Variants in ZNF573 observed in about 807,000 individuals in gnomAD.
ZNF573 encodes the protein zinc finger protein 573.
In ZNF573, 41 loss-of-function variants were observed where a neutral mutation model predicts 57.4. That is an observed-to-expected ratio of 0.71 (90% CI 0.56 to 0.93). The LOEUF is 0.93. Ranked by LOEUF, ZNF573 falls within the 40% of genes least tolerant of loss-of-function variation. The probability of loss-of-function intolerance (pLI) is 0.00; values close to 1 mark genes in which losing one functional copy is unlikely to be tolerated. For synonymous variants in ZNF573, 249 were observed against 261.0 expected, an observed-to-expected ratio of 0.95 and a Z score of 0.44; for missense variants, 730 against 794.8, an observed-to-expected ratio of 0.92 and a Z score of 0.98.
intron 4 of ZNF573, among the ~76,000 whole-genome samples, chr19:37,742,848 C>T (rs1402149272): frequency 6.6e-6 from 1 of 152,130 alleles, no homozygotes; most frequent in East Asian, 1.9e-4. Flanking sequence ...AAACCAAAGA[C>T]CTTCTGCACA....
Position 37,740,190 on chromosome 19 carries a change from C to A in ZNF573, c.300G>T (p.Leu100Phe). 1 of 1,551,714 alleles carries A rather than the reference C, an allele frequency of 6.4e-7. No homozygotes were observed. The highest frequency in any genetic ancestry group is 1.2e-5 in the South Asian group (1 of 81,382). Residue 100 changes from leucine (L) to phenylalanine (F), a missense_variant, in exon 5 of 5, where the codon TTG (leucine) becomes TTT (phenylalanine). Coordinates refer to ENST00000536220, the MANE Select transcript of ZNF573 (RefSeq NM_001172690.2). ...AGCTGATTATCTCACACTGTAAATC[C>A]AAATCTGAAACAAAAGAGGACAACA... ...ILREETQFTDLDLQCEIISYI... is the reference protein window; with the variant it reads ...ILREETQFTDFDLQCEIISYI...
Position 37,738,578 on chromosome 19 carries a change from A to G in ZNF573, c.1912T>C (p.Tyr638His), listed in dbSNP as rs192296096. Residue 638 changes from tyrosine (Y) to histidine (H), a missense_variant, in exon 5 of 5, where the codon TAT becomes CAT. Tyr to His is a moderately conservative substitution (Grantham distance 83). Transcript: ENST00000536220. Reference protein sequence around the residue: ...HERIHTGEKPYVCKQCGKTFR... With the variant: ...HERIHTGEKPHVCKQCGKTFR... ...GTTTTCCCACACTGCTTACACACAT[A>G]GGGTTTCTCACCAGTATGAATTCTC... 2.5e-6 allele frequency: 4 copies of G among 1,606,344 alleles called. No individual in the cohort carries two copies. In the East Asian group the frequency reaches 8.9e-5, roughly 36 times the overall value.
chr19:37,776,211 A>G (rs903794266), intron 1 of ZNF573, among the ~76,000 whole-genome samples: 4 of 152,360 alleles, frequency 2.6e-5, no homozygotes, highest in African/African-American at 9.6e-5. Flanking sequence ...ATCTGGAGAC[A>G]TAACATTCCC....
intron 4 of ZNF573, among the ~76,000 whole-genome samples, chr19:37,760,286 A>G (rs1036216717): frequency 3.3e-5 from 5 of 151,580 alleles, no homozygotes; most frequent in African/African-American, 9.7e-5. Context: ...CAAAGAAAAT[A>G]TAAGATAATC....
chr19:37,778,152 T>G (rs1197664152), intron 1 of ZNF573, among the ~76,000 whole-genome samples: 1 of 151,698 alleles, frequency 6.6e-6, no homozygotes, highest in East Asian at 2.0e-4. Context: ...AAAATGTGTC[T>G]TAAAGTCTCA....
intron 3 of ZNF573, among the ~76,000 whole-genome samples, chr19:37,771,181 T>A (rs912498000): frequency 2.0e-5 from 3 of 151,614 alleles, no homozygotes; most frequent in African/African-American, 7.3e-5. Flanking sequence ...TCCCTGCAGG[T>A]GGATCAGATG....
At chr19:37,742,338 T>C (rs1312870423) in intron 4 of ZNF573, among the ~76,000 whole-genome samples, 1 of 152,168 alleles carries the variant, frequency 6.6e-6, no homozygotes, top group Non-Finnish European at 1.5e-5. Context: ...TTAAATTTTA[T>C]ATGGAATCAA....
intron 4 of ZNF573, among the ~76,000 whole-genome samples, chr19:37,763,063 G>A (rs1008176598): frequency 9.3e-5 from 14 of 151,146 alleles, no homozygotes; most frequent in African/African-American, 2.4e-4. Context: ...ATGAGCCACC[G>A]CGCCCAGCCA....
chr19:37,766,703 G>A (rs1010384435), intron 4 of ZNF573, among the ~76,000 whole-genome samples: 1 of 152,136 alleles, frequency 6.6e-6, no homozygotes, highest in Non-Finnish European at 1.5e-5. Context: ...CTCTTCAGAG[G>A]TGGTGTTTTC....
chr19:37,741,368 C>T (rs548207156), intron 4 of ZNF573, among the ~76,000 whole-genome samples: 2 of 152,164 alleles, frequency 1.3e-5, no homozygotes, highest in South Asian at 2.1e-4. Flanking sequence ...CCAGCTCAAG[C>T]GATTTTCCCA....
chr19:37,775,518 C>T (rs942145615), intron 1 of ZNF573, among the ~76,000 whole-genome samples: 2 of 152,088 alleles, frequency 1.3e-5, no homozygotes, highest in Non-Finnish European at 1.5e-5. Flanking sequence ...CTGACTTACC[C>T]GTTCCTATTT....
At chr19:37,765,190 G>C (rs1042759032) in intron 4 of ZNF573, among the ~76,000 whole-genome samples, 2 of 151,632 alleles carry the variant, frequency 1.3e-5, no homozygotes, top group African/African-American at 4.8e-5. Flanking sequence ...ACCACACCCA[G>C]TCACTTACAG....
At chr19:37,744,913 C>T (rs1031686289) in intron 4 of ZNF573, among the ~76,000 whole-genome samples, 2 of 151,596 alleles carry the variant, frequency 1.3e-5, no homozygotes, top group South Asian at 2.1e-4. Context: ...TCCCGAGTAG[C>T]TGGGACTACA....
chr19:37,764,372 G>A (rs2045581603), intron 4 of ZNF573, among the ~76,000 whole-genome samples: 1 of 149,352 alleles, frequency 6.7e-6, no homozygotes, highest in Non-Finnish European at 1.5e-5. Context: ...CCAGGCTGGA[G>A]TGCAGTGGCC....
chr19:37,749,197 T>C (rs2045410873), intron 4 of ZNF573, among the ~76,000 whole-genome samples: 1 of 151,846 alleles, frequency 6.6e-6, no homozygotes, highest in Non-Finnish European at 1.5e-5. Flanking sequence ...AAGGTGCATA[T>C]ATACAGAGAA....
intron 3 of ZNF573, 120 bp from the exon 4 acceptor site, chr19:37,770,217 T>A: frequency 2.7e-6 from 2 of 754,208 alleles, no homozygotes; most frequent in Admixed American, 3.1e-5. Context: ...GTGAGATGAT[T>A]GAAGAAATGA....
chr19:37,763,924 A>G (rs111666194), intron 4 of ZNF573, among the ~76,000 whole-genome samples: 23,731 of 151,962 alleles, frequency 0.16, 2,081 homozygotes, highest in Middle Eastern at 0.28. Flanking sequence ...TTAGCCGGGC[A>G]TGGTACCGCA....
Position 37,771,553 on chromosome 19 carries a change from A to C in ZNF573, c.202+11T>G. On this transcript the variant is annotated intron_variant, in intron 3 of 4. Transcript: ENST00000536220. ...ATCACATTTTAAATTACTTGAGGCA[A>C]ATAAACTTACCCAGTGATACCAGGT... The C allele has an allele frequency of 6.2e-7, 1 of 1,609,408 alleles. No individual in the cohort carries two copies. The highest frequency in any genetic ancestry group is 8.5e-7 in the Non-Finnish European group (1 of 1,177,992).
chr19:37,777,348 C>T (rs1355378029), intron 1 of ZNF573, among the ~76,000 whole-genome samples: 2 of 151,852 alleles, frequency 1.3e-5, no homozygotes, highest in Admixed American at 6.6e-5. Context: ...CTTGCACACA[C>T]GTTTATAGCA....
Sources: gnomAD v4.1 joint callset for allele counts (sites outside exome capture counted in the v4.1 genomes callset) on GRCh38, gnomAD v4.1.1 for gene constraint, MANE v1.5 for transcripts, NCBI Gene and HGNC (gene_info 2026-07-23, HGNC 2026-07-21) for gene names.